PLCE1: variants seen among roughly 807,000 people sequenced by gnomAD.
The protein encoded by PLCE1 is phospholipase C epsilon 1.
A neutral mutation model predicts 242.8 loss-of-function variants in PLCE1; 119 were observed. The observed-to-expected ratio is 0.49, with a 90% CI of 0.42 to 0.57. PLCE1 has a LOEUF of 0.57. PLCE1 is among the 20% of genes least tolerant of loss of function. PLCE1 has a pLI of 0.00. For synonymous variants in PLCE1, 945 were observed against 1,017.4 expected, an observed-to-expected ratio of 0.93 and a Z score of 1.35; for missense variants, 2,441 against 2,788.8, an observed-to-expected ratio of 0.88 and a Z score of 2.81.
intron 4 of PLCE1, among the ~76,000 whole-genome samples, chr10:94,209,191 ATGTCCAGTATTT>A (rs2049257534): frequency 6.6e-6 from 1 of 152,160 alleles, no homozygotes; most frequent in Admixed American, 6.5e-5. Context: ...ATACTAAAAC[ATGTCCAGTATTT>A]TTAGGAAATT....
At chr10:94,225,524 T>G (rs978295775) in intron 4 of PLCE1, 1 of 152,220 alleles carries the variant, frequency 6.6e-6, no homozygotes. Context: ...ATACAAAAAT[T>G]AGCCGGGCGA....
At chr10:94,163,137 T>C (rs1156651208) in intron 3 of PLCE1, among the ~76,000 whole-genome samples, 1 of 152,176 alleles carries the variant, frequency 6.6e-6, no homozygotes. Flanking sequence ...ATTCTGTTGA[T>C]TTGGGGTGGA....
At chr10:94,105,662 G>C (rs941272623) in intron 2 of PLCE1, 4 of 152,140 alleles carry the variant, frequency 2.6e-5, no homozygotes, top group African/African-American at 9.7e-5. Flanking sequence ...TTGGCACACT[G>C]AAAGCACTCA....
chr10:94,277,653 G>A (rs1179021239), intron 19 of PLCE1, among the ~76,000 whole-genome samples: 3 of 152,168 alleles, frequency 2.0e-5, no homozygotes, highest in African/African-American at 7.2e-5. Flanking sequence ...TTGAGTGCTC[G>A]CTGAGTCAAG....
chr10:94,298,621 T>G lies in PLCE1; in HGVS notation c.5410T>G (p.Phe1804Val). 1 of 1,614,152 alleles carries G rather than the reference T, an allele frequency of 6.2e-7. No homozygotes were observed. The highest frequency in any genetic ancestry group is 8.5e-7 in the Non-Finnish European group (1 of 1,180,000). ...CTCTTCCAACCCGAACCCCCTCATG[T>G]TCTGGCTCCATGGGATACAGCTTGT... is the stretch of plus-strand genomic sequence containing the variant. ...IDSSNPNPLM[F>V]WLHGIQLVAL... Residue 1804 changes from phenylalanine (F) to valine (V), a missense_variant, in exon 24 of 33, where the codon TTC becomes GTC. Phe to Val is a conservative substitution (Grantham distance 50, BLOSUM62 -1). Transcript: ENST00000371380. The surrounding 1 kb of genome is among the most constrained non-coding windows in gnomAD (Gnocchi z 5.2).
Position 94,124,695 on chromosome 10 carries a change from G to T in PLCE1, c.1207-7479G>T, listed in dbSNP as rs1180900229. Among the ~76,000 whole-genome samples, 6 of 152,146 alleles carry T rather than the reference G, an allele frequency of 3.9e-5. No homozygotes were observed. In the East Asian group the frequency reaches 1.2e-3, roughly 29 times the overall value. On this transcript the variant is annotated intron_variant, in intron 2 of 32. Transcript: ENST00000371380. Reference sequence around the variant, plus strand: ...ATATTTGTTTATTTAAATTGATTTAGCAGAGTCAATACATTAATCCGTATC... The same window carrying T: ...ATATTTGTTTATTTAAATTGATTTATCAGAGTCAATACATTAATCCGTATC...
intron 4 of PLCE1, among the ~76,000 whole-genome samples, chr10:94,204,437 G>A (rs1015650229): frequency 2.0e-5 from 3 of 152,260 alleles, no homozygotes; most frequent in African/African-American, 7.2e-5. Context: ...GGGAGGCTGA[G>A]GCGGGTGAAT....
chr10:94,212,665 A>G (rs2049382139), intron 4 of PLCE1, among the ~76,000 whole-genome samples: 2 of 152,222 alleles, frequency 1.3e-5, no homozygotes, highest in Non-Finnish European at 1.5e-5. Flanking sequence ...TGCTTATCCT[A>G]GAATTTCCTG....
At chr10:94,096,237 G>C (rs959771615) in intron 2 of PLCE1, 1 of 152,168 alleles carries the variant, frequency 6.6e-6, no homozygotes, top group East Asian at 1.9e-4. Context: ...CACTCAAGAC[G>C]AAGCAACAAA....
intron 4 of PLCE1, among the ~76,000 whole-genome samples, chr10:94,201,529 G>A (rs1000031117): frequency 6.6e-6 from 1 of 152,208 alleles, no homozygotes; most frequent in Non-Finnish European, 1.5e-5. Flanking sequence ...AGGCTGGAGT[G>A]CAGTGGCATG....
chr10:94,008,629 A>G (rs2061099535), intron 1 of PLCE1, among the ~76,000 whole-genome samples: 1 of 152,192 alleles, frequency 6.6e-6, no homozygotes, highest in Admixed American at 6.5e-5. Context: ...GTTTTATTTA[A>G]TCATTCCACT....
intron 4 of PLCE1, among the ~76,000 whole-genome samples, chr10:94,183,687 G>C (rs2048380913): frequency 6.6e-6 from 1 of 152,184 alleles, no homozygotes; most frequent in Non-Finnish European, 1.5e-5. Flanking sequence ...GGTTTAATTG[G>C]CTCATGCTTC....
intron 2 of PLCE1, among the ~76,000 whole-genome samples, chr10:94,064,298 T>C (rs1040493460): frequency 6.6e-6 from 1 of 152,114 alleles, no homozygotes; most frequent in Admixed American, 6.5e-5. Flanking sequence ...AGGCTTGTAA[T>C]CTAGCACTTT....
chr10:94,120,270 C>G lies in PLCE1; in HGVS notation c.1207-11904C>G, dbSNP rs151102989. On this transcript the variant is annotated intron_variant, in intron 2 of 32. Transcript: ENST00000371380. ...ACCACTACCTATTTCATTTGCTCTGCCTGAGGTGTGTTCACTAACAGGTTG... is the reference window on the plus strand; with the variant it reads ...ACCACTACCTATTTCATTTGCTCTGGCTGAGGTGTGTTCACTAACAGGTTG... Among the ~76,000 whole-genome samples the G allele has an allele frequency of 4.2e-4, 64 of 152,294 alleles. No homozygotes were observed. In the East Asian group the frequency reaches 0.012, roughly 28 times the overall value.
intron 2 of PLCE1, among the ~76,000 whole-genome samples, chr10:94,092,573 T>C (rs1007539997): frequency 7.3e-6 from 1 of 136,440 alleles, no homozygotes. Context: ...GTTCACATAA[T>C]TTAAGGAGCA....
In PLCE1 at chr10:94,331,905, T is replaced by C. The variant is rs1275652186; in HGVS notation, c.*3962T>C. The C allele has an allele frequency of 6.8e-6, 1 of 146,304 alleles. No homozygotes were observed. The highest frequency in any genetic ancestry group is 7.0e-5 in the Admixed American group (1 of 14,274). The allele number at this position is 146,304 out of a possible 1,614,324, so 9.1% of individuals were successfully genotyped here. On this transcript the variant is annotated 3_prime_UTR_variant, in exon 33 of 33. Coordinates refer to ENST00000371380, the MANE Select transcript of PLCE1 (RefSeq NM_016341.4). Reference sequence around the variant, plus strand: ...TTTTTTTTTTGAGGCAAAGTCTCACTCTGTTGCCCAGCCTGGAGTGCAGTG... The same window carrying C: ...TTTTTTTTTTGAGGCAAAGTCTCACCCTGTTGCCCAGCCTGGAGTGCAGTG...
chr10:94,187,895 C>G (rs2048533697), intron 4 of PLCE1, among the ~76,000 whole-genome samples: 1 of 152,150 alleles, frequency 6.6e-6, no homozygotes, highest in Non-Finnish European at 1.5e-5. Flanking sequence ...TGGCCCTAGA[C>G]AAAAATCCAG....
chr10:94,060,245 T>A (rs1280097464), intron 2 of PLCE1, among the ~76,000 whole-genome samples: 1 of 152,168 alleles, frequency 6.6e-6, no homozygotes, highest in African/African-American at 2.4e-5. Context: ...TATTTCATTA[T>A]GTGTTCTAAG....
chr10:94,078,009 C>T (rs1205524176), intron 2 of PLCE1, among the ~76,000 whole-genome samples: 1 of 152,094 alleles, frequency 6.6e-6, no homozygotes, highest in Non-Finnish European at 1.5e-5. Context: ...GGTGGCAAAA[C>T]CTTAGTTGAA....
Sources: allele counts gnomAD v4.1 joint callset (sites outside exome capture counted in the v4.1 genomes callset), GRCh38; gene constraint gnomAD v4.1.1; non-coding constraint Gnocchi (gnomAD v3.1); transcripts MANE v1.5; gene names NCBI Gene and HGNC (gene_info 2026-07-23, HGNC 2026-07-21).